The following TRIQK variants were observed in gnomAD, a reference collection of about 807,000 sequenced individuals.
The protein encoded by TRIQK is triple QxxK/R motif-containing protein.
TRIQK carries 10 observed loss-of-function variants against 10.8 expected under a neutral mutation model. That is an observed-to-expected ratio of 0.92 (90% CI 0.57 to 1.57). The LOEUF is 1.57. Ranked by LOEUF, TRIQK falls within the 40% of genes most tolerant of loss-of-function variation. The pLI, the probability that TRIQK is intolerant of heterozygous loss-of-function variation, is 0.00. For synonymous variants in TRIQK, 33 were observed against 33.7 expected, an observed-to-expected ratio of 0.98 and a Z score of 0.07; for missense variants, 107 against 97.7, an observed-to-expected ratio of 1.09 and a Z score of -0.40.
chr8:92,926,004 C>T (rs1343305546), intron 2 of TRIQK, among the ~76,000 whole-genome samples: 5 of 151,996 alleles, frequency 3.3e-5, no homozygotes, highest in Middle Eastern at 6.8e-3. Flanking sequence ...GGTGTGAACC[C>T]GGGAGGCAGA....
chr8:92,924,080 T>C (rs1810321312), intron 2 of TRIQK, among the ~76,000 whole-genome samples: 1 of 151,992 alleles, frequency 6.6e-6, no homozygotes. Flanking sequence ...GAAATACACT[T>C]ACTAAGAAAA....
At chr8:92,897,888 C>G (rs1808694001) in intron 3 of TRIQK, among the ~76,000 whole-genome samples, 1 of 151,942 alleles carries the variant, frequency 6.6e-6, no homozygotes, top group African/African-American at 2.4e-5. Flanking sequence ...TTAGCCTTCA[C>G]TTCTGCTTGT....
At chr8:92,991,063 G>A (rs58672202) in intron 1 of TRIQK, among the ~76,000 whole-genome samples, 1 of 152,056 alleles carries the variant, frequency 6.6e-6, no homozygotes, top group African/African-American at 2.4e-5. Flanking sequence ...CTGGCTTGGT[G>A]GGGGGAGGGA....
intron 3 of TRIQK, among the ~76,000 whole-genome samples, chr8:92,893,501 A>G (rs139416240): frequency 6.6e-6 from 1 of 152,168 alleles, no homozygotes; most frequent in African/African-American, 2.4e-5. Context: ...TTGTCATAAT[A>G]TGTATCAAAT....
intron 2 of TRIQK, among the ~76,000 whole-genome samples, chr8:92,925,249 A>C (rs1046164812): frequency 6.6e-6 from 1 of 152,162 alleles, no homozygotes; most frequent in African/African-American, 2.4e-5. Context: ...ACAAAAATTA[A>C]TTGAAGATAG....
rs543357800 is a variant in TRIQK at position 92,923,711 on chromosome 8, C to T, written c.-21-6701G>A. On this transcript the variant is annotated intron_variant, in intron 2 of 4. Transcript: ENST00000521988. ...TAATTAAACTTTACACTCATTAGGA[C>T]TTTTAAGATTAAACATAGCATTCTT... 3.9e-5 allele frequency among the ~76,000 whole-genome samples: 6 copies of T among 151,944 alleles called. No individual in the cohort carries two copies. In the East Asian group the frequency reaches 1.2e-3, roughly 29 times the overall value.
chr8:92,915,946 G>A (rs1809816156), intron 3 of TRIQK, among the ~76,000 whole-genome samples: 1 of 151,698 alleles, frequency 6.6e-6, no homozygotes, highest in South Asian at 2.1e-4. Flanking sequence ...CTATATTTTG[G>A]TATCAATTAT....
intron 1 of TRIQK, chr8:92,974,393 CT>C (rs770813150): frequency 2.6e-4 from 40 of 152,252 alleles, no homozygotes; most frequent in Non-Finnish European, 5.4e-4. Flanking sequence ...CAGTCTGAAT[CT>C]TTTTCAATGA....
chr8:92,919,176 T>G (rs1425802862), intron 2 of TRIQK, among the ~76,000 whole-genome samples: 1 of 151,964 alleles, frequency 6.6e-6, no homozygotes, highest in Non-Finnish European at 1.5e-5. Context: ...CTTTTTTCTT[T>G]TTGCTCAGAA....
chr8:92,971,057 T>C (rs931735310), upstream of TRIQK, among the ~76,000 whole-genome samples: 1 of 152,206 alleles, frequency 6.6e-6, no homozygotes, highest in African/African-American at 2.4e-5. Context: ...TAGGGAATCC[T>C]TTCCCCATTG....
At chr8:92,895,648 G>A (rs1408393339) in intron 3 of TRIQK, among the ~76,000 whole-genome samples, 1 of 152,140 alleles carries the variant, frequency 6.6e-6, no homozygotes, top group East Asian at 1.9e-4. Flanking sequence ...ATTGGGACCT[G>A]GAGTAAAGGC....
chr8:92,903,685 CTATTAA>C (rs1809080634), intron 3 of TRIQK, among the ~76,000 whole-genome samples: 1 of 151,948 alleles, frequency 6.6e-6, no homozygotes, highest in Non-Finnish European at 1.5e-5. Context: ...TAGATCTATA[CTATTAA>C]TAAGATAGTT....
chr8:92,936,630 GC>G (rs1430280184), intron 2 of TRIQK, among the ~76,000 whole-genome samples: 1 of 151,624 alleles, frequency 6.6e-6, no homozygotes, highest in African/African-American at 2.4e-5. Flanking sequence ...CAAAGACATT[GC>G]AGTGAGACAT....
At chr8:93,010,991 C>T (rs1278650212) in intron 1 of TRIQK, among the ~76,000 whole-genome samples, 1 of 152,096 alleles carries the variant, frequency 6.6e-6, no homozygotes, top group East Asian at 1.9e-4. Flanking sequence ...TCCACACGCA[C>T]TTTGAAGCAT....
chr8:92,909,743 T>C (rs181098333), intron 3 of TRIQK, among the ~76,000 whole-genome samples: 31 of 151,760 alleles, frequency 2.0e-4, no homozygotes, highest in African/African-American at 7.2e-4. Flanking sequence ...AATTTATACA[T>C]GGAGGAGAAT....
intron 2 of TRIQK, among the ~76,000 whole-genome samples, chr8:92,928,372 G>C (rs1810550978): frequency 6.6e-6 from 1 of 152,148 alleles, no homozygotes; most frequent in Non-Finnish European, 1.5e-5. Context: ...GAAAGCCTCA[G>C]ATCTCAAGAG....
upstream of TRIQK, among the ~76,000 whole-genome samples, chr8:92,966,870 A>C (rs1812769214): frequency 6.7e-6 from 1 of 150,316 alleles, no homozygotes; most frequent in Admixed American, 6.7e-5. Flanking sequence ...CCTTCAAAAA[A>C]TTATGCAACC....
intron 1 of TRIQK, among the ~76,000 whole-genome samples, chr8:93,005,522 A>C (rs1813259818): frequency 6.6e-6 from 1 of 152,116 alleles, no homozygotes; most frequent in Non-Finnish European, 1.5e-5. Context: ...ACACAAATCG[A>C]CGTGTGATAG....
At chr8:92,985,734 T>C (rs527627696) in intron 1 of TRIQK, among the ~76,000 whole-genome samples, 1 of 152,184 alleles carries the variant, frequency 6.6e-6, no homozygotes, top group East Asian at 1.9e-4. Context: ...TTGTTGCCGA[T>C]GTAATTGTTG....
Sources: gnomAD v4.1 joint callset for allele counts (sites outside exome capture counted in the v4.1 genomes callset) on GRCh38, gnomAD v4.1.1 for gene constraint, MANE v1.5 for transcripts, NCBI Gene and HGNC (gene_info 2026-07-23, HGNC 2026-07-21) for gene names.